NBDY: variants seen among roughly 807,000 people sequenced by gnomAD.
The protein encoded by NBDY is P-body dissociating protein.
intron 2 of NBDY, among the ~76,000 whole-genome samples, chrX:56,734,709 C>A (rs186292422): frequency 2.1e-4 from 24 of 111,656 alleles, no homozygotes; most frequent in African/African-American, 7.2e-4. Flanking sequence ...AGTAGATGGA[C>A]CAAAAACAAG....
intron 2 of NBDY, among the ~76,000 whole-genome samples, chrX:56,763,264 G>A (rs1284441678): frequency 8.9e-6 from 1 of 112,150 alleles, no homozygotes; most frequent in Non-Finnish European, 1.9e-5. Context: ...CCTGTGTGAT[G>A]CCATAAGAAT....
intron 2 of NBDY, among the ~76,000 whole-genome samples, chrX:56,783,527 C>T (rs1242784811): frequency 8.9e-6 from 1 of 112,399 alleles, no homozygotes; most frequent in Admixed American, 9.3e-5. Context: ...GGCTGCCTGG[C>T]TGATCTGTCT....
intron 2 of NBDY, among the ~76,000 whole-genome samples, chrX:56,739,364 CT>C (rs1475933558): frequency 1.0e-5 from 1 of 98,823 alleles, no homozygotes; most frequent in Non-Finnish European, 2.0e-5. Context: ...TTCAAAGCTG[CT>C]TCAGGAACCA....
intron 2 of NBDY, among the ~76,000 whole-genome samples, chrX:56,794,224 G>A (rs897518942): frequency 1.8e-5 from 2 of 111,502 alleles, no homozygotes; most frequent in Admixed American, 9.4e-5. Flanking sequence ...ACCCAGCCCC[G>A]CATATTTTTG....
intron 2 of NBDY, among the ~76,000 whole-genome samples, chrX:56,805,824 C>CT (rs918946659): frequency 6.3e-5 from 7 of 110,698 alleles, no homozygotes; most frequent in South Asian, 3.8e-4. Flanking sequence ...TCTCCCTTCA[C>CT]TTTTTTTTTA....
At chrX:56,749,584 C>T (rs2069573409) in intron 2 of NBDY, among the ~76,000 whole-genome samples, 1 of 111,004 alleles carries the variant, frequency 9.0e-6, no homozygotes. Flanking sequence ...GCCACCTTTA[C>T]AGGCATTCTC....
chrX:56,793,530 A>ATGGAGGGCCTCAGCT (rs1196559400), intron 2 of NBDY, among the ~76,000 whole-genome samples: 1 of 109,782 alleles, frequency 9.1e-6, no homozygotes, highest in African/African-American at 3.3e-5. Flanking sequence ...ATGGGAAAGC[A>ATGGAGGGCCTCAGCT]TGGAGGGCCT....
At chrX:56,764,291 CA>C (rs1391680265) in intron 2 of NBDY, among the ~76,000 whole-genome samples, 1 of 112,165 alleles carries the variant, frequency 8.9e-6, no homozygotes, top group East Asian at 2.8e-4. Flanking sequence ...GAACTCCCCA[CA>C]AAAGACACCA....
chrX:56,784,306 G>T (rs1244271704), intron 2 of NBDY, among the ~76,000 whole-genome samples: 1 of 111,983 alleles, frequency 8.9e-6, no homozygotes, highest in Non-Finnish European at 1.9e-5. Context: ...CCATGGAGCA[G>T]CAAGGAGTTT....
In NBDY at chrX:56,803,689, C is replaced by A. The variant is rs762435072; in HGVS notation, c.*167-13631C>A. ...GCTGAAGTCTGTGCCTGTCAGAAGG[C>A]AAGTATCCCTGCAGCCGGTCGTGTT... On this transcript the variant is annotated intron_variant, in intron 2 of 2. Transcript: ENST00000374922. Among the ~76,000 whole-genome samples, 3 of 112,194 alleles carry A rather than the reference C, an allele frequency of 2.7e-5. No individual in the cohort carries two copies. In the South Asian group the frequency reaches 1.1e-3, roughly 42 times the overall value.
intron 2 of NBDY, among the ~76,000 whole-genome samples, chrX:56,789,433 G>C (rs1046363301): frequency 1.8e-5 from 2 of 112,176 alleles, no homozygotes; most frequent in African/African-American, 6.5e-5. Context: ...GGCCACTGCA[G>C]ATTCCTCTAG....
rs1185545895 is a variant in NBDY at position 56,732,099 on chromosome X, T to C, written c.*66T>C. The C allele has an allele frequency of 3.4e-6, 1 of 297,063 alleles. No homozygotes were observed. The highest frequency in any genetic ancestry group is 5.9e-6 in the Non-Finnish European group (1 of 170,037). The allele number at this position is 297,063 out of a possible 1,213,427, so 24.5% of individuals were successfully genotyped here. A position where few individuals can be genotyped will look rare whatever the true frequency, so the allele number is the denominator to read the frequency against. On this transcript the variant is annotated 3_prime_UTR_variant, in exon 2 of 3. Transcript: ENST00000374922. Reference sequence around the variant, plus strand: ...TTGCAGTATGACTCCATTTCCCTGGTGCATTCATATAATAGTTCACCTGGT... The same window carrying C: ...TTGCAGTATGACTCCATTTCCCTGGCGCATTCATATAATAGTTCACCTGGT...
chrX:56,764,718 A>AG (rs1556003929), intron 2 of NBDY, among the ~76,000 whole-genome samples: 1 of 108,483 alleles, frequency 9.2e-6, no homozygotes, highest in African/African-American at 3.3e-5. Context: ...AAAAAAAAAA[A>AG]AAAAGAAACT....
chrX:56,787,099 G>A (rs1344935376), intron 2 of NBDY, among the ~76,000 whole-genome samples: 3 of 111,031 alleles, frequency 2.7e-5, no homozygotes, highest in East Asian at 5.6e-4. Context: ...ACATTGATCC[G>A]GATTTCAGTG....
At chrX:56,811,704 G>A (rs1180209749) in intron 2 of NBDY, among the ~76,000 whole-genome samples, 1 of 112,027 alleles carries the variant, frequency 8.9e-6, no homozygotes, top group Non-Finnish European at 1.9e-5. Flanking sequence ...CATGGGGTTG[G>A]GACCCGCCGA....
At chrX:56,816,032 A>G (rs1242689975) in intron 2 of NBDY, among the ~76,000 whole-genome samples, 1 of 111,545 alleles carries the variant, frequency 9.0e-6, no homozygotes, top group Non-Finnish European at 1.9e-5. Flanking sequence ...TAAAACATGC[A>G]AATTTTATAC....
intron 2 of NBDY, among the ~76,000 whole-genome samples, chrX:56,794,138 G>A: frequency 1.8e-5 from 2 of 112,170 alleles, no homozygotes; most frequent in East Asian, 5.7e-4. Context: ...GCTTCTCCAA[G>A]GGGTCCCAAC....
chrX:56,819,112 A>G lies in NBDY; in HGVS notation c.*1959A>G, dbSNP rs2069924290. On this transcript the variant is annotated 3_prime_UTR_variant, in exon 3 of 3. Transcript: ENST00000374922. ...TAAAACTCTTGGGAGGAAATATAGA[A>G]TAAATTTTTGTGACCTTGAATTAAG... 1 of 111,090 alleles carries G rather than the reference A, an allele frequency of 9.0e-6. No individual in the cohort carries two copies. The highest frequency in any genetic ancestry group is 1.9e-5 in the Non-Finnish European group (1 of 53,039). 9.2% of individuals were successfully genotyped at this position (111,090 alleles called of 1,213,427 possible).
intron 2 of NBDY, among the ~76,000 whole-genome samples, chrX:56,816,073 CTATT>C (rs1438852283): frequency 3.6e-5 from 4 of 111,136 alleles, no homozygotes; most frequent in Admixed American, 1.9e-4. Context: ...AACTTAAAGA[CTATT>C]TATATACAAT....
Sources: gnomAD v4.1 joint callset for allele counts (sites outside exome capture counted in the v4.1 genomes callset) on GRCh38, gnomAD v4.1.1 for gene constraint, MANE v1.5 for transcripts, NCBI Gene and HGNC (gene_info 2026-07-23, HGNC 2026-07-21) for gene names.